CUX1: variants seen among roughly 807,000 people sequenced by gnomAD.
CUX1 encodes the protein protein CASP.
Under a neutral mutation model 158.8 loss-of-function variants are expected in CUX1, and 31 were observed. The observed-to-expected ratio is 0.20, with a 90% CI of 0.15 to 0.26. The LOEUF is 0.26. Among genes scored for constraint, CUX1 ranks in the 10% least tolerant of loss-of-function variants. CUX1 has a pLI of 1.00. For synonymous variants in CUX1, 879 were observed against 862.1 expected, an observed-to-expected ratio of 1.02 and a Z score of -0.34; for missense variants, 1,589 against 2,014.6, an observed-to-expected ratio of 0.79 and a Z score of 4.04.
intron 1 of CUX1, among the ~76,000 whole-genome samples, chr7:101,882,204 A>G (rs1320090888): frequency 6.6e-6 from 1 of 152,182 alleles, no homozygotes; most frequent in Middle Eastern, 3.2e-3. Context: ...CAAACAAAAA[A>G]GGAACTTGTT....
At chr7:102,153,822 C>T (rs547083341) in intron 8 of CUX1, 11 of 152,390 alleles carry the variant, frequency 7.2e-5, no homozygotes, top group African/African-American at 2.2e-4. Flanking sequence ...AAGACACACC[C>T]AGACCCCAAC....
chr7:102,118,125 A>AT (rs1411461420), intron 8 of CUX1, among the ~76,000 whole-genome samples: 2 of 152,218 alleles, frequency 1.3e-5, no homozygotes, highest in African/African-American at 4.8e-5. Flanking sequence ...ACCTACATGT[A>AT]TTTTATTAGA....
chr7:102,055,829 AG>A, intron 3 of CUX1, among the ~76,000 whole-genome samples: 1 of 152,362 alleles, frequency 6.6e-6, no homozygotes, highest in South Asian at 2.1e-4. Context: ...TGCACCAGTT[AG>A]CCCAGTCATT....
intron 1 of CUX1, among the ~76,000 whole-genome samples, chr7:101,833,765 A>C (rs1035848046): frequency 2.6e-5 from 4 of 152,006 alleles, no homozygotes; most frequent in Admixed American, 2.6e-4. Context: ...CAGAGCTCTC[A>C]GGTTTTCGCC....
intron 2 of CUX1, among the ~76,000 whole-genome samples, chr7:101,989,610 C>T (rs1302396804): frequency 6.6e-6 from 1 of 152,198 alleles, no homozygotes; most frequent in Non-Finnish European, 1.5e-5. Context: ...AGAGCTCAGC[C>T]CTGTCATTGG....
chr7:102,217,642 C>G (rs1004004442), intron 20 of CUX1, among the ~76,000 whole-genome samples: 16 of 151,034 alleles, frequency 1.1e-4, no homozygotes, highest in African/African-American at 3.9e-4. Context: ...GAGGGAGGCT[C>G]TGGATGGAAG....
Position 102,255,318 on chromosome 7 carries a change from T to C in CUX1, c.*6276T>C. 1 of 984,976 alleles carries C rather than the reference T, an allele frequency of 1.0e-6. No homozygotes were observed. Among genetic ancestry groups the C allele is most frequent in the Non-Finnish European group, 1.2e-6 (1 of 829,892 alleles). The allele number at this position is 984,976 out of a possible 1,614,324, so 61.0% of individuals were successfully genotyped here. The stretch of plus-strand genomic sequence containing the variant: ...AGTGACATTTAGCTTTAACAAGACA[T>C]TTCCAAAGCGCCTAGTCTCCTCCAA... On this transcript the variant is annotated 3_prime_UTR_variant, in exon 24 of 24. Coordinates refer to ENST00000292535, the MANE Select transcript of CUX1 (RefSeq NM_181552.4).
At chr7:102,032,119 G>C (rs1405775226) in intron 3 of CUX1, among the ~76,000 whole-genome samples, 1 of 151,746 alleles carries the variant, frequency 6.6e-6, no homozygotes, top group Non-Finnish European at 1.5e-5. Flanking sequence ...GTAGAGGTGG[G>C]AGTTTCACCA....
intron 11 of CUX1, among the ~76,000 whole-genome samples, chr7:102,187,575 TCCTC>T (rs1793767703): frequency 6.6e-6 from 1 of 152,076 alleles, no homozygotes; most frequent in Non-Finnish European, 1.5e-5. Context: ...CTCTGTGTGC[TCCTC>T]CCTCTGTCTG....
Position 102,046,544 on chromosome 7 carries a change from CCTGTT to C in CUX1, c.189+18405_189+18409del, listed in dbSNP as rs1353271665. On this transcript the variant is annotated intron_variant, in intron 3 of 23. Transcript: ENST00000292535. ...CACTGTGCCCAGCCCCCATTTCACT[CCTGTT>C]CTGTTTTGGTTTGGTTTGGATTTTT... Among the ~76,000 whole-genome samples, 18 of 144,618 alleles carry C rather than the reference CCTGTT, an allele frequency of 1.2e-4. No individual in the cohort carries two copies. In the South Asian group the frequency reaches 3.5e-3, roughly 28 times the overall value. 94.9% of individuals were successfully genotyped at this position (144,618 alleles called of 152,430 possible). A position where few individuals can be genotyped will look rare whatever the true frequency, so the allele number is the denominator to read the frequency against.
intron 1 of CUX1, among the ~76,000 whole-genome samples, chr7:101,896,397 T>A (rs372854943): frequency 6.6e-6 from 1 of 152,208 alleles, no homozygotes; most frequent in South Asian, 2.1e-4. Flanking sequence ...AATGGGTGAA[T>A]GAAGGGGTGT....
At chr7:102,143,114 G>A (rs894792390) in intron 8 of CUX1, among the ~76,000 whole-genome samples, 13 of 152,184 alleles carry the variant, frequency 8.5e-5, no homozygotes, top group Non-Finnish European at 1.6e-4. Context: ...GCAGGCTGCC[G>A]GCCCACGATG....
Position 101,916,910 on chromosome 7 carries a change from GA to G in CUX1, c.141+698del, listed in dbSNP as rs538099718. 9.9e-4 allele frequency among the ~76,000 whole-genome samples: 139 copies of G among 140,936 alleles called. No homozygotes were observed. Among genetic ancestry groups the G allele is most frequent in the Middle Eastern group, 3.6e-3 (1 of 276 alleles). 92.5% of individuals were successfully genotyped at this position (140,936 alleles called of 152,430 possible). On this transcript the variant is annotated intron_variant, in intron 2 of 23. Coordinates refer to ENST00000292535, the MANE Select transcript of CUX1 (RefSeq NM_181552.4). The surrounding 1 kb of genome is among the most constrained non-coding windows in gnomAD (Gnocchi z 4.4). ...TTCAACCCTATCAGGGGCTTACTAAGAAAAAAAAAAAAACATCCAAGCGTGT... is the reference window on the plus strand; with the variant it reads ...TTCAACCCTATCAGGGGCTTACTAAGAAAAAAAAAAAACATCCAAGCGTGT...
intron 15 of CUX1, among the ~76,000 whole-genome samples, chr7:102,197,572 C>T (rs976834636): frequency 9.2e-5 from 14 of 152,150 alleles, no homozygotes; most frequent in Non-Finnish European, 1.6e-4. Context: ...GAGATCGTAT[C>T]AGAGGGAATT....
At chr7:101,960,856 T>G (rs1662137967) in intron 2 of CUX1, 1 of 152,122 alleles carries the variant, frequency 6.6e-6, no homozygotes, top group African/African-American at 2.4e-5. Context: ...AAATGTGTAT[T>G]AAATGTTTCT....
chr7:101,834,170 T>TTTC (rs1306011499), intron 1 of CUX1, among the ~76,000 whole-genome samples: 27 of 127,896 alleles, frequency 2.1e-4, no homozygotes, highest in African/African-American at 8.5e-4. Flanking sequence ...TGTTTCTTTT[T>TTTC]TTTTTTTTTT....
In CUX1 at chr7:102,178,461, C is replaced by G. The variant is rs1554512675; in HGVS notation, c.829-8C>G. 17 of 1,582,588 alleles carry G rather than the reference C, an allele frequency of 1.1e-5. No homozygotes were observed. Among genetic ancestry groups the G allele is most frequent in the Non-Finnish European group, 1.5e-5 (17 of 1,158,168 alleles). Reference sequence around the variant, plus strand: ...GCGCAGTTTTGTCATCTCTTTTCTCCTCCCCAGGAGCAGGCCATAGAGGTG... The same window carrying G: ...GCGCAGTTTTGTCATCTCTTTTCTCGTCCCCAGGAGCAGGCCATAGAGGTG... On this transcript the variant is annotated splice_polypyrimidine_tract_variant and splice_region_variant and intron_variant, in intron 10 of 23. Transcript: ENST00000292535.
At chr7:101,914,420 C>CTCCCTCCCTCCGTCCT (rs1485229840) in intron 1 of CUX1, among the ~76,000 whole-genome samples, 14 of 128,292 alleles carry the variant, frequency 1.1e-4, no homozygotes, top group Non-Finnish European at 1.8e-4. Context: ...CCCTCTTTCC[C>CTCCCTCCCTCCGTCCT]TCCCTCCCTC....
chr7:101,979,989 T>TTTCC (rs1813215066), intron 2 of CUX1, among the ~76,000 whole-genome samples: 2 of 152,062 alleles, frequency 1.3e-5, no homozygotes, highest in Non-Finnish European at 2.9e-5. Context: ...TTCAGGAACT[T>TTTCC]TGTTTCCAGC....
Sources: gnomAD v4.1 joint callset for allele counts (sites outside exome capture counted in the v4.1 genomes callset) on GRCh38, gnomAD v4.1.1 for gene constraint, Gnocchi (gnomAD v3.1) non-coding constraint, MANE v1.5 for transcripts, NCBI Gene and HGNC (gene_info 2026-07-23, HGNC 2026-07-21) for gene names.